PCBP3: variants seen among roughly 807,000 people sequenced by gnomAD.
PCBP3 encodes the protein poly(rC) binding protein 3.
In PCBP3, 25 loss-of-function variants were observed where a neutral mutation model predicts 52.7. The observed-to-expected ratio is 0.47, with a 90% CI of 0.35 to 0.66. PCBP3 has a LOEUF of 0.66. Among genes scored for constraint, PCBP3 ranks in the 30% least tolerant of loss-of-function variants. The pLI is 0.01. For missense variants in PCBP3, 391 were observed against 490.3 expected, an observed-to-expected ratio of 0.80 and a Z score of 1.91; for synonymous variants, 162 against 183.0, an observed-to-expected ratio of 0.89 and a Z score of 0.93.
At chr21:45,770,939 G>A (rs1024291075) in intron 4 of PCBP3, among the ~76,000 whole-genome samples, 7 of 152,234 alleles carry the variant, frequency 4.6e-5, no homozygotes, top group Non-Finnish European at 7.3e-5. Flanking sequence ...GGGAGCTTGC[G>A]GAGGGCCCTG....
intron 4 of PCBP3, among the ~76,000 whole-genome samples, chr21:45,848,804 C>T (rs1458538427): frequency 6.6e-6 from 1 of 152,156 alleles, no homozygotes; most frequent in African/African-American, 2.4e-5. Flanking sequence ...TTTTAGTGCC[C>T]ACACCCCGTT....
intron 5 of PCBP3, among the ~76,000 whole-genome samples, chr21:45,851,323 G>A (rs1412555885): frequency 4.6e-5 from 7 of 152,220 alleles, no homozygotes; most frequent in Non-Finnish European, 8.8e-5. Context: ...GACCAGCCTG[G>A]CCAACATGGT....
chr21:45,793,679 G>A (rs1043132624), intron 4 of PCBP3, among the ~76,000 whole-genome samples: 1 of 152,204 alleles, frequency 6.6e-6, no homozygotes, highest in South Asian at 2.1e-4. Context: ...CTCTGCAGGA[G>A]GAGACGGGAG....
In PCBP3 at chr21:45,798,698, T is replaced by C. The variant is rs183422436; in HGVS notation, c.-126+43246T>C. On this transcript the variant is annotated intron_variant, in intron 4 of 17. Coordinates refer to ENST00000681687, the MANE Select transcript of PCBP3 (RefSeq NM_001384156.1). ...GTGTACATGGATGAATGCATGGATC[T>C]GTAGAGAGAGTGAATGGATGTGTAC... is the stretch of plus-strand genomic sequence containing the variant. Among the ~76,000 whole-genome samples the C allele has an allele frequency of 2.4e-4, 31 of 127,518 alleles. 1 individual carries two copies. In the East Asian group the frequency reaches 5.1e-3, roughly 21 times the overall value. 83.7% of individuals were successfully genotyped at this position (127,518 alleles called of 152,430 possible). A position where few individuals can be genotyped will look rare whatever the true frequency, so the allele number is the denominator to read the frequency against.
intron 7 of PCBP3, 78 bp downstream of exon 7, chr21:45,899,700 A>G: frequency 9.0e-7 from 1 of 1,106,596 alleles, no homozygotes; most frequent in Non-Finnish European, 1.4e-6. Flanking sequence ...CCTGGGTACT[A>G]GGTGGCACCC....
At chr21:45,759,444 A>G (rs1265685197) in intron 4 of PCBP3, among the ~76,000 whole-genome samples, 1 of 152,190 alleles carries the variant, frequency 6.6e-6, no homozygotes, top group East Asian at 1.9e-4. Context: ...CTTGTCAAAT[A>G]TCACCTCTGC....
chr21:45,764,233 C>T (rs751862117), intron 4 of PCBP3, among the ~76,000 whole-genome samples: 14 of 151,778 alleles, frequency 9.2e-5, no homozygotes, highest in Admixed American at 2.0e-4. Flanking sequence ...AGCGATTCTC[C>T]TGCCTCAGCC....
rs1008562935 is a variant in PCBP3 at position 45,817,779 on chromosome 21, G to C, written c.-125-32182G>C. On this transcript the variant is annotated intron_variant, in intron 4 of 17. Transcript: ENST00000681687. This position sits in a 1 kb window ranked among gnomAD's most constrained non-coding sequence, Gnocchi z 4.3. ...GGATCATAAGTCCTTACTCCTTCATGGTTGGAATCAAAATCCAAAACCTTG... is the reference window on the plus strand; with the variant it reads ...GGATCATAAGTCCTTACTCCTTCATCGTTGGAATCAAAATCCAAAACCTTG... Among the ~76,000 whole-genome samples, 2 of 152,178 alleles carry C rather than the reference G, an allele frequency of 1.3e-5. No homozygotes were observed. The highest frequency in any genetic ancestry group is 6.5e-5 in the Admixed American group (1 of 15,284).
intron 9 of PCBP3, among the ~76,000 whole-genome samples, chr21:45,906,074 G>C (rs1056237378): frequency 2.6e-5 from 4 of 152,180 alleles, no homozygotes; most frequent in African/African-American, 9.7e-5. Flanking sequence ...CCTGGAAAAA[G>C]CAGGAGGAGA....
chr21:45,731,028 T>C (rs1289958840), intron 2 of PCBP3, among the ~76,000 whole-genome samples: 1 of 152,240 alleles, frequency 6.6e-6, no homozygotes, highest in Non-Finnish European at 1.5e-5. Flanking sequence ...TTTAATGTGA[T>C]TATTGATATG....
chr21:45,790,816 A>G (rs2091487223), intron 4 of PCBP3, among the ~76,000 whole-genome samples: 1 of 152,200 alleles, frequency 6.6e-6, no homozygotes, highest in Admixed American at 6.5e-5. Context: ...TTGGCGGGCA[A>G]CAAAAGCAAA....
chr21:45,900,710 C>A, intron 8 of PCBP3, 87 bp downstream of exon 8: 1 of 1,062,866 alleles, frequency 9.4e-7, no homozygotes, highest in South Asian at 1.3e-5. Flanking sequence ...GACGTCCTGC[C>A]TGTGCTCTTG....
chr21:45,654,422 C>G (rs1455760618), intron 1 of PCBP3, among the ~76,000 whole-genome samples: 1 of 149,114 alleles, frequency 6.7e-6, no homozygotes, highest in Non-Finnish European at 1.5e-5. Context: ...CTCACTGCAG[C>G]CTCCACCTCC....
rs529758684 is a variant in PCBP3, at chr21:45,800,177, G to A, written c.-126+44725G>A. On this transcript the variant is annotated intron_variant, in intron 4 of 17. Coordinates refer to ENST00000681687, the MANE Select transcript of PCBP3 (RefSeq NM_001384156.1). This position sits in a 1 kb window ranked among gnomAD's most constrained non-coding sequence, Gnocchi z 5.3. ...ATGGCTGCAGGTGGGGCCTTCCAGA[G>A]GCACAGGCTGAGGGGCCAGGCAGCA... Among the ~76,000 whole-genome samples, 58 of 152,298 alleles carry A rather than the reference G, an allele frequency of 3.8e-4. No homozygotes were observed. The East Asian group carries it at 0.011, about 29-fold the overall frequency.
chr21:45,728,140 C>T (rs937449701), intron 2 of PCBP3, among the ~76,000 whole-genome samples: 5 of 152,108 alleles, frequency 3.3e-5, no homozygotes, highest in Non-Finnish European at 5.9e-5. Context: ...AAAGGAAGTG[C>T]TTGGAGGGTA....
chr21:45,674,172 A>G (rs1569103016), intron 2 of PCBP3, among the ~76,000 whole-genome samples: 1 of 152,156 alleles, frequency 6.6e-6, no homozygotes, highest in South Asian at 2.1e-4. Flanking sequence ...TAAATCCACC[A>G]TGTAACTTCT....
At chr21:45,868,658 C>T (rs1377462875) in intron 5 of PCBP3, among the ~76,000 whole-genome samples, 1 of 152,190 alleles carries the variant, frequency 6.6e-6, no homozygotes, top group Admixed American at 6.5e-5. Flanking sequence ...TCCCTGGGCC[C>T]GCCTCCTGGC....
At chr21:45,937,902 T>G (rs2077048786) in intron 16 of PCBP3, among the ~76,000 whole-genome samples, 1 of 152,270 alleles carries the variant, frequency 6.6e-6, no homozygotes, top group Non-Finnish European at 1.5e-5. Flanking sequence ...TAGGCGGGCA[T>G]GCCCTGGCTG....
At chr21:45,913,002 T>C (rs1441083054) in intron 11 of PCBP3, among the ~76,000 whole-genome samples, 1 of 152,104 alleles carries the variant, frequency 6.6e-6, no homozygotes, top group African/African-American at 2.4e-5. Context: ...GCCCCAGAAC[T>C]CCCAGCAGGA....
Sources: allele counts gnomAD v4.1 joint callset (sites outside exome capture counted in the v4.1 genomes callset), GRCh38; gene constraint gnomAD v4.1.1; non-coding constraint Gnocchi (gnomAD v3.1); transcripts MANE v1.5; gene names NCBI Gene and HGNC (gene_info 2026-07-23, HGNC 2026-07-21).